The following MIB1 variants were observed in gnomAD, a reference collection of about 807,000 sequenced individuals.
MIB1 encodes the protein E3 ubiquitin-protein ligase MIB1.
In MIB1, 278 loss-of-function variants were observed where a neutral mutation model predicts 124.5. The observed-to-expected ratio is 2.23, with a 90% CI of 2.02 to 2.47. MIB1 has a LOEUF of 2.47. Ranked by LOEUF, MIB1 falls within the 30% of genes most tolerant of loss-of-function variation. The probability of loss-of-function intolerance (pLI) is 0.00; values close to 1 mark genes in which losing one functional copy is unlikely to be tolerated. For missense variants in MIB1, 957 were observed against 1,254.4 expected, an observed-to-expected ratio of 0.76 and a Z score of 3.58; for synonymous variants, 446 against 429.4, an observed-to-expected ratio of 1.04 and a Z score of -0.48.
Position 21,858,604 on chromosome 18 carries a change from T to C in MIB1, c.2838T>C (p.Asp946=). Reference sequence around the variant, plus strand: ...AGGATAATACCAATGTCAATGCAGATGTGCAAAAGTTGCAGCAACAGTTAC... The same window carrying C: ...AGGATAATACCAATGTCAATGCAGACGTGCAAAAGTTGCAGCAACAGTTAC... The part of the protein sequence containing the change: ...KDKDNTNVNA[D]VQKLQQQLQD... Residue 946 remains aspartate (D), a synonymous_variant, in exon 20 of 21, where the codon GAT becomes GAC. Coordinates refer to ENST00000261537, the MANE Select transcript of MIB1 (RefSeq NM_020774.4). 6.2e-7 allele frequency: 1 copy of C among 1,604,192 alleles called. No individual in the cohort carries two copies. The highest frequency in any genetic ancestry group is 8.5e-7 in the Non-Finnish European group (1 of 1,171,280).
intron 1 of MIB1, among the ~76,000 whole-genome samples, chr18:21,748,955 T>C (rs2040943738): frequency 6.6e-6 from 1 of 151,968 alleles, no homozygotes; most frequent in African/African-American, 2.4e-5. Flanking sequence ...TCACCCAGGC[T>C]GGTCTCAAAC....
intron 9 of MIB1, 73 bp downstream of exon 9, chr18:21,800,047 A>G: frequency 7.9e-7 from 1 of 1,271,980 alleles, no homozygotes; most frequent in Non-Finnish European, 1.1e-6. Flanking sequence ...CTCAACAATT[A>G]CTAAGATTTT....
chr18:21,859,997 G>T (rs905299482), intron 20 of MIB1, among the ~76,000 whole-genome samples: 1 of 150,518 alleles, frequency 6.6e-6, no homozygotes, highest in African/African-American at 2.4e-5. Context: ...CATCAGTGGG[G>T]GATACATGGA....
At chr18:21,784,339 G>A (rs1049060822) in intron 6 of MIB1, among the ~76,000 whole-genome samples, 5 of 151,656 alleles carry the variant, frequency 3.3e-5, no homozygotes, top group Admixed American at 6.6e-5. Context: ...GAGCCACCGC[G>A]CCCAGCCCTG....
chr18:21,853,093 A>AAGT lies in MIB1; in HGVS notation c.2587-47_2587-46insAGT, dbSNP rs761229816. The AAGT allele has an allele frequency of 3.2e-6, 4 of 1,249,092 alleles. No homozygotes were observed. The South Asian group carries it at 4.8e-5, about 15-fold the overall frequency. 77.4% of individuals were successfully genotyped at this position (1,249,092 alleles called of 1,614,324 possible). ...ATAATTGAACTTGTTAAGAGTTACTAGATTTATCTGTAAATGGTCACTGTG... is the reference window on the plus strand; with the variant it reads ...ATAATTGAACTTGTTAAGAGTTACTAAGTGATTTATCTGTAAATGGTCACTGTG... On this transcript the variant is annotated intron_variant, in intron 17 of 20. Coordinates refer to ENST00000261537, the MANE Select transcript of MIB1 (RefSeq NM_020774.4).
At chr18:21,732,276 C>T (rs998371568) in intron 1 of MIB1, among the ~76,000 whole-genome samples, 49 of 150,824 alleles carry the variant, frequency 3.2e-4, no homozygotes, top group African/African-American at 1.1e-3. Flanking sequence ...TGCAGTGAGC[C>T]GAGATCATGT....
intron 6 of MIB1, among the ~76,000 whole-genome samples, chr18:21,783,382 A>G (rs576769448): frequency 3.9e-5 from 6 of 152,082 alleles, no homozygotes; most frequent in Non-Finnish European, 7.4e-5. Flanking sequence ...AGCTGGGACT[A>G]CAGGTGCCCT....
intron 1 of MIB1, among the ~76,000 whole-genome samples, chr18:21,717,994 A>C (rs2040697277): frequency 6.6e-6 from 1 of 152,232 alleles, no homozygotes; most frequent in East Asian, 1.9e-4. Context: ...AACCAACCCA[A>C]ATGCCCATCA....
At chr18:21,721,159 G>A in intron 1 of MIB1, among the ~76,000 whole-genome samples, 1 of 29,758 alleles carries the variant, frequency 3.4e-5, no homozygotes. Flanking sequence ...TTTTAAAGAA[G>A]TTTTTTTTTT....
chr18:21,839,090 G>A (rs2042059581), intron 13 of MIB1, among the ~76,000 whole-genome samples: 1 of 152,132 alleles, frequency 6.6e-6, no homozygotes, highest in South Asian at 2.1e-4. Flanking sequence ...TCATGTGCAA[G>A]CATAAACCAT....
In MIB1 at chr18:21,773,649, C is replaced by A; in HGVS notation, c.557C>A (p.Ala186Glu). The change falls in exon 4 of 21, where the codon GCA becomes GAA. Residue 186 changes from alanine to glutamate, a missense_variant. Coordinates refer to ENST00000261537, the MANE Select transcript of MIB1 (RefSeq NM_020774.4). ...GTAACAGAAATCCAGGACTGGAGTG[C>A]ATCAAGCCCACATAGCGCAGCATAT... is the stretch of plus-strand genomic sequence containing the variant. The part of the protein sequence containing the change: ...GKVTEIQDWS[A>E]SSPHSAAYVL... The A allele has an allele frequency of 6.2e-7, 1 of 1,609,486 alleles. No homozygotes were observed. The highest frequency in any genetic ancestry group is 8.5e-7 in the Non-Finnish European group (1 of 1,178,228).
At chr18:21,844,032 A>G (rs2042113798) in intron 14 of MIB1, 60 bp from the exon 15 acceptor site, 2 of 1,527,964 alleles carry the variant, frequency 1.3e-6, no homozygotes, top group East Asian at 2.3e-5. Context: ...TACTTTAGAT[A>G]TGTTGAAGTT....
At chr18:21,722,467 T>C (rs1476213614) in intron 1 of MIB1, among the ~76,000 whole-genome samples, 4 of 152,046 alleles carry the variant, frequency 2.6e-5, no homozygotes, top group Non-Finnish European at 5.9e-5. Context: ...ACCTCCTGGG[T>C]TCAGGCAATT....
At chr18:21,725,088 C>CT (rs1448705075) in intron 1 of MIB1, among the ~76,000 whole-genome samples, 1 of 121,134 alleles carries the variant, frequency 8.3e-6, no homozygotes, top group African/African-American at 3.3e-5. Flanking sequence ...GAGCGAGACT[C>CT]TGTCTCAAAA....
At chr18:21,762,089 A>AT (rs1206473143) in intron 1 of MIB1, among the ~76,000 whole-genome samples, 1 of 152,118 alleles carries the variant, frequency 6.6e-6, no homozygotes, top group African/African-American at 2.4e-5. Context: ...GGAAATACCA[A>AT]TTTTTTCCTC....
intron 1 of MIB1, among the ~76,000 whole-genome samples, chr18:21,709,653 G>A (rs1179372652): frequency 6.6e-6 from 1 of 152,154 alleles, no homozygotes. Context: ...GTGTCTGTGG[G>A]GGGACATGCA....
At chr18:21,838,569 T>C in intron 13 of MIB1, 72 bp downstream of exon 13, 2 of 1,273,700 alleles carry the variant, frequency 1.6e-6, no homozygotes, top group Non-Finnish European at 2.1e-6. Flanking sequence ...GCCATTCATT[T>C]ATTTATTGCT....
chr18:21,757,435 G>T (rs1359573140), intron 1 of MIB1, among the ~76,000 whole-genome samples: 6 of 99,838 alleles, frequency 6.0e-5, no homozygotes, highest in African/African-American at 2.4e-4. Flanking sequence ...CTGGGCTACA[G>T]AGTGAGACTC....
intron 3 of MIB1, among the ~76,000 whole-genome samples, chr18:21,770,850 A>T (rs189899686): frequency 2.1e-3 from 320 of 152,328 alleles, no homozygotes; most frequent in African/African-American, 7.4e-3. Context: ...TTTGTTGAAG[A>T]AACCAGATTC....
Sources: gnomAD v4.1 joint callset for allele counts (sites outside exome capture counted in the v4.1 genomes callset) on GRCh38, gnomAD v4.1.1 for gene constraint, MANE v1.5 for transcripts, NCBI Gene and HGNC (gene_info 2026-07-23, HGNC 2026-07-21) for gene names.